Variants in TRPM3 observed in about 807,000 individuals in gnomAD.
The protein encoded by TRPM3 is transient receptor potential cation channel subfamily M member 3.
TRPM3 carries 77 observed loss-of-function variants against 181.2 expected under a neutral mutation model. That is an observed-to-expected ratio of 0.42 (90% CI 0.35 to 0.51). TRPM3 has a LOEUF of 0.51. TRPM3 is among the 20% of genes least tolerant of loss of function. TRPM3 has a pLI of 0.01. For missense variants in TRPM3, 1,759 were observed against 2,196.7 expected, an observed-to-expected ratio of 0.80 and a Z score of 3.98; for synonymous variants, 745 against 796.4, an observed-to-expected ratio of 0.94 and a Z score of 1.09.
Position 70,537,322 on chromosome 9 carries a change from C to G in TRPM3, c.3791G>C (p.Arg1264Pro). 1 of 1,521,328 alleles carries G rather than the reference C, an allele frequency of 6.6e-7. No homozygotes were observed. Among genetic ancestry groups the G allele is most frequent in the Non-Finnish European group, 8.8e-7 (1 of 1,132,748 alleles). 94.2% of individuals were successfully genotyped at this position (1,521,328 alleles called of 1,614,324 possible). ...GATAAGGTCTTCCAGCTGCGCCAGC[C>G]GGATGTCCACGGTCTGGAGTGAAGC... is the stretch of plus-strand genomic sequence containing the variant. ...MKASLQTVDI[R>P]LAQLEDLIGR... Residue 1264 changes from arginine (R) to proline (P), a missense_variant, in exon 26 of 26, where the codon CGG becomes CCG. Physicochemically the swap from Arg to Pro is moderately radical, Grantham distance 103 (BLOSUM62 -2). Coordinates refer to ENST00000677713, the MANE Select transcript of TRPM3 (RefSeq NM_001366145.2).
At chr9:71,359,679 GA>G (rs961503871) in intron 1 of TRPM3, among the ~76,000 whole-genome samples, 12 of 151,762 alleles carry the variant, frequency 7.9e-5, no homozygotes, top group African/African-American at 2.9e-4. Context: ...TTCCATCTAG[GA>G]TTTTAATATG....
chr9:71,338,306 A>G (rs924613221), intron 1 of TRPM3, among the ~76,000 whole-genome samples: 1 of 152,120 alleles, frequency 6.6e-6, no homozygotes, highest in Non-Finnish European at 1.5e-5. Context: ...GGCCAAGATG[A>G]TCTGCCAGTA....
chr9:71,388,107 G>A (rs1275156645), intron 1 of TRPM3, among the ~76,000 whole-genome samples: 1 of 152,066 alleles, frequency 6.6e-6, no homozygotes, highest in African/African-American at 2.4e-5. Flanking sequence ...GAAGATCTTG[G>A]CAGCATCCAT....
At chr9:70,621,897 C>T (rs146747850) in intron 14 of TRPM3, among the ~76,000 whole-genome samples, 54 of 152,234 alleles carry the variant, frequency 3.5e-4, no homozygotes, top group African/African-American at 1.3e-3. Flanking sequence ...TTTTGTGAAC[C>T]AAGATTTCTT....
At chr9:70,893,625 G>A (rs1338143662) in intron 1 of TRPM3, among the ~76,000 whole-genome samples, 1 of 151,818 alleles carries the variant, frequency 6.6e-6, no homozygotes. Context: ...AAAAATTAGG[G>A]CCCTATACTC....
intron 20 of TRPM3, 83 bp downstream of exon 20, chr9:70,603,259 C>T: frequency 1.3e-6 from 2 of 1,494,908 alleles, no homozygotes; most frequent in South Asian, 1.3e-5. Context: ...ATTTGCATCC[C>T]AGGCATCTTC....
chr9:71,314,270 G>C (rs558141880), intron 1 of TRPM3, among the ~76,000 whole-genome samples: 12 of 152,064 alleles, frequency 7.9e-5, no homozygotes, highest in African/African-American at 2.9e-4. Context: ...GTTATCATAT[G>C]ATTTTTTTAT....
intron 1 of TRPM3, among the ~76,000 whole-genome samples, chr9:71,350,249 G>A (rs1217505245): frequency 6.6e-6 from 1 of 152,060 alleles, no homozygotes; most frequent in Non-Finnish European, 1.5e-5. Flanking sequence ...TCTCTTCAAG[G>A]TATTTCATGT....
intron 1 of TRPM3, among the ~76,000 whole-genome samples, chr9:70,961,771 T>C (rs2097138847): frequency 1.3e-5 from 2 of 152,132 alleles, no homozygotes; most frequent in Admixed American, 6.6e-5. Flanking sequence ...CATGATATCA[T>C]GCACAAAGAA....
intron 12 of TRPM3, among the ~76,000 whole-genome samples, chr9:70,629,873 T>C (rs1204860731): frequency 6.6e-6 from 1 of 152,220 alleles, no homozygotes; most frequent in Non-Finnish European, 1.5e-5. Context: ...CCTTTCTTAC[T>C]AGGAAGAGTG....
chr9:71,255,759 C>T (rs2082633750), intron 1 of TRPM3, among the ~76,000 whole-genome samples: 1 of 152,150 alleles, frequency 6.6e-6, no homozygotes, highest in Non-Finnish European at 1.5e-5. Context: ...AGCATCCATC[C>T]TATTATGTGT....
intron 1 of TRPM3, among the ~76,000 whole-genome samples, chr9:70,925,466 G>A (rs2096711663): frequency 6.6e-6 from 1 of 151,998 alleles, no homozygotes; most frequent in Non-Finnish European, 1.5e-5. Flanking sequence ...AAGATTATGA[G>A]TCATCATACA....
intron 1 of TRPM3, among the ~76,000 whole-genome samples, chr9:71,432,827 G>A (rs1472425710): frequency 1.3e-5 from 2 of 152,104 alleles, no homozygotes; most frequent in African/African-American, 4.8e-5. Context: ...CAAATGTCAG[G>A]TCCAATTATA....
chr9:70,779,521 A>G (rs994325505), intron 7 of TRPM3, among the ~76,000 whole-genome samples: 4 of 152,184 alleles, frequency 2.6e-5, no homozygotes, highest in Non-Finnish European at 4.4e-5. Flanking sequence ...GTGACAGGCT[A>G]GACAACATTT....
At chr9:71,070,149 A>G (rs2062545768) in intron 1 of TRPM3, among the ~76,000 whole-genome samples, 1 of 152,244 alleles carries the variant, frequency 6.6e-6, no homozygotes, top group Admixed American at 6.5e-5. Flanking sequence ...TCAAAGTGTC[A>G]TTATCAAAAT....
At chr9:71,324,408 G>A (rs976438663) in intron 1 of TRPM3, among the ~76,000 whole-genome samples, 2 of 151,702 alleles carry the variant, frequency 1.3e-5, no homozygotes, top group African/African-American at 2.4e-5. Flanking sequence ...TCAAAACCAC[G>A]ATGAGATACC....
Position 71,256,387 on chromosome 9 carries a change from G to A in TRPM3, c.183+190266C>T, listed in dbSNP as rs540579307. On this transcript the variant is annotated intron_variant, in intron 1 of 24. Coordinates refer to the TRPM3 transcript ENST00000357533. ...TTTCTTAGTACCAACTATGTGACAGGTGCGAGGCACATAGGATTGAAGAAC... is the reference window on the plus strand; with the variant it reads ...TTTCTTAGTACCAACTATGTGACAGATGCGAGGCACATAGGATTGAAGAAC... 2.6e-5 allele frequency among the ~76,000 whole-genome samples: 4 copies of A among 152,184 alleles called. No individual in the cohort carries two copies. In the South Asian group the frequency reaches 6.2e-4, roughly 24 times the overall value.
At chr9:70,801,659 G>C (rs572354880) in intron 6 of TRPM3, among the ~76,000 whole-genome samples, 5 of 149,200 alleles carry the variant, frequency 3.4e-5, no homozygotes, top group African/African-American at 9.9e-5. Context: ...GGGTGCTTTG[G>C]GTCCTTAATC....
chr9:71,150,104 T>C (rs1392663765), intron 1 of TRPM3, among the ~76,000 whole-genome samples: 1 of 150,874 alleles, frequency 6.6e-6, no homozygotes, highest in African/African-American at 2.4e-5. Flanking sequence ...TAAAAAAAAT[T>C]AGAGGGCAGA....
Sources: gnomAD v4.1 joint callset for allele counts (sites outside exome capture counted in the v4.1 genomes callset) on GRCh38, gnomAD v4.1.1 for gene constraint, MANE v1.5 for transcripts, NCBI Gene and HGNC (gene_info 2026-07-23, HGNC 2026-07-21) for gene names.